SLC24A2: variants seen among roughly 807,000 people sequenced by gnomAD.
SLC24A2 encodes sodium/potassium/calcium exchanger 2.
SLC24A2 carries 36 observed loss-of-function variants against 62.0 expected under a neutral mutation model. The observed-to-expected ratio is 0.58, with a 90% CI of 0.44 to 0.77. The LOEUF is 0.77. Among genes scored for constraint, SLC24A2 ranks in the 30% least tolerant of loss-of-function variants. The probability of loss-of-function intolerance (pLI) is 0.00; values close to 1 mark genes in which losing one functional copy is unlikely to be tolerated. For synonymous variants in SLC24A2, 358 were observed against 294.0 expected (o/e 1.22, Z -2.23); for missense variants, 846 against 817.9 (o/e 1.03, Z -0.42).
intron 2 of SLC24A2, among the ~76,000 whole-genome samples, chr9:19,693,797 AT>A (rs1273974977): frequency 2.0e-5 from 3 of 151,806 alleles, no homozygotes; most frequent in Non-Finnish European, 4.4e-5. Flanking sequence ...TTATTTATTT[AT>A]TTTTTAAAAA....
the SLC24A2 span, among the ~76,000 whole-genome samples, chr9:19,840,490 T>A: frequency 5.9e-3 from 901 of 152,354 alleles, 10 homozygotes; most frequent in African/African-American, 0.021. Flanking sequence ...CCTTAGCTAA[T>A]CTCTTTTATG....
At chr9:20,075,511 G>C in the SLC24A2 span, among the ~76,000 whole-genome samples, 5 of 152,138 alleles carry the variant, frequency 3.3e-5, no homozygotes, top group East Asian at 1.9e-4. Context: ...TTAGACTGTA[G>C]GGTGACCCAA....
chr9:20,245,961 A>T, the SLC24A2 span, among the ~76,000 whole-genome samples: 1 of 152,198 alleles, frequency 6.6e-6, no homozygotes, highest in Non-Finnish European at 1.5e-5. Flanking sequence ...AAGGTCACCA[A>T]TTAGTATAAG....
chr9:19,560,118 G>A (rs941831556), intron 7 of SLC24A2, among the ~76,000 whole-genome samples: 1 of 152,172 alleles, frequency 6.6e-6, no homozygotes, highest in Non-Finnish European at 1.5e-5. Flanking sequence ...AGGGCTCTAA[G>A]GCTGAGGATA....
At chr9:20,304,623 C>T in the SLC24A2 span, among the ~76,000 whole-genome samples, 1 of 151,906 alleles carries the variant, frequency 6.6e-6, no homozygotes, top group Non-Finnish European at 1.5e-5. Flanking sequence ...AACATAAAAC[C>T]CAGTATATGC....
At chr9:19,882,688 T>C in the SLC24A2 span, among the ~76,000 whole-genome samples, 1 of 148,176 alleles carries the variant, frequency 6.7e-6, no homozygotes, top group African/African-American at 2.5e-5. Context: ...AAATAGAGAA[T>C]AGGTTTCCAC....
the SLC24A2 span, among the ~76,000 whole-genome samples, chr9:19,955,001 CTATA>C: frequency 6.6e-6 from 1 of 151,848 alleles, no homozygotes; most frequent in Non-Finnish European, 1.5e-5. Flanking sequence ...AGTTTTTTAA[CTATA>C]TACTCAATTC....
chr9:19,678,569 C>T (rs1819623827), intron 2 of SLC24A2, among the ~76,000 whole-genome samples: 1 of 152,176 alleles, frequency 6.6e-6, no homozygotes. Context: ...TTGAATTTTA[C>T]TGTTCATCCA....
At chr9:19,709,782 G>C (rs1820658812) in intron 2 of SLC24A2, among the ~76,000 whole-genome samples, 1 of 149,678 alleles carries the variant, frequency 6.7e-6, no homozygotes, top group Non-Finnish European at 1.5e-5. Context: ...GATAGCATTA[G>C]GAGATATACC....
the SLC24A2 span, among the ~76,000 whole-genome samples, chr9:20,021,828 G>A: frequency 6.6e-6 from 1 of 151,956 alleles, no homozygotes; most frequent in Non-Finnish European, 1.5e-5. Flanking sequence ...TCCCCAAGCA[G>A]CCGTCATCAC....
At chr9:20,195,893 C>CA in the SLC24A2 span, among the ~76,000 whole-genome samples, 56 of 150,656 alleles carry the variant, frequency 3.7e-4, no homozygotes, top group Admixed American at 7.9e-4. Flanking sequence ...CCATGGTATA[C>CA]AAAAAAAAGG....
the SLC24A2 span, among the ~76,000 whole-genome samples, chr9:20,273,695 TC>T: frequency 6.6e-6 from 1 of 152,172 alleles, no homozygotes; most frequent in African/African-American, 2.4e-5. Flanking sequence ...AAAACCTCTT[TC>T]TTTTGTAAAT....
At chr9:20,035,184 T>C in the SLC24A2 span, among the ~76,000 whole-genome samples, 1 of 152,142 alleles carries the variant, frequency 6.6e-6, no homozygotes, top group African/African-American at 2.4e-5. Context: ...TCTCTGAACA[T>C]CCACAACAGT....
chr9:20,244,562 A>G, the SLC24A2 span, among the ~76,000 whole-genome samples: 1 of 152,206 alleles, frequency 6.6e-6, no homozygotes, highest in African/African-American at 2.4e-5. Flanking sequence ...ACATCTTTGA[A>G]ATTCTGTTGG....
the SLC24A2 span, among the ~76,000 whole-genome samples, chr9:20,102,702 AAAT>A: frequency 6.6e-6 from 1 of 152,108 alleles, no homozygotes; most frequent in Non-Finnish European, 1.5e-5. Context: ...AAGAAAATAT[AAAT>A]AAGACTGGCA....
At chr9:19,638,717 C>G (rs1017463835) in intron 2 of SLC24A2, among the ~76,000 whole-genome samples, 1 of 152,164 alleles carries the variant, frequency 6.6e-6, no homozygotes, top group Non-Finnish European at 1.5e-5. Flanking sequence ...AGCCTCAGTA[C>G]CTACACATAT....
chr9:19,572,526 C>T (rs1051300215), intron 7 of SLC24A2, among the ~76,000 whole-genome samples: 3 of 152,112 alleles, frequency 2.0e-5, no homozygotes, highest in Admixed American at 1.3e-4. Context: ...TCTCCATTCC[C>T]TCTTTTTCTT....
At chr9:20,298,193 G>T in the SLC24A2 span, among the ~76,000 whole-genome samples, 1,719 of 152,296 alleles carry the variant, frequency 0.011, 34 homozygotes, top group African/African-American at 0.038. Flanking sequence ...TATGTCCATT[G>T]TGAGTGTGAG....
chr9:20,103,444 C>T, the SLC24A2 span, among the ~76,000 whole-genome samples: 15 of 152,272 alleles, frequency 9.9e-5, no homozygotes, highest in Admixed American at 9.2e-4. Context: ...CTGGGAGGCA[C>T]CCCCCAGCAG....
Sources: allele counts gnomAD v4.1 joint callset (sites outside exome capture counted in the v4.1 genomes callset), GRCh38; gene constraint gnomAD v4.1.1; transcripts MANE v1.5; gene names NCBI Gene and HGNC (gene_info 2026-07-23, HGNC 2026-07-21).